GALNT14: variants seen among roughly 807,000 people sequenced by gnomAD.
The protein encoded by GALNT14 is UDP-GalNAc:polypeptide N-acetylgalactosaminyltransferase 14.
Under a neutral mutation model 77.5 loss-of-function variants are expected in GALNT14, and 60 were observed. The observed-to-expected ratio is 0.77, with a 90% CI of 0.63 to 0.96. The LOEUF is 0.96. GALNT14 is among the 40% of genes least tolerant of loss of function. The pLI, the probability that GALNT14 is intolerant of heterozygous loss-of-function variation, is 0.00. For synonymous variants in GALNT14, 280 were observed against 281.7 expected (o/e 0.99, Z 0.06); for missense variants, 710 against 731.0 (o/e 0.97, Z 0.33).
intron 1 of GALNT14, among the ~76,000 whole-genome samples, chr2:31,104,159 A>G (rs1677432656): frequency 1.3e-5 from 2 of 152,068 alleles, no homozygotes; most frequent in South Asian, 2.1e-4. Flanking sequence ...TGGATTCCCA[A>G]TGGAGTCTTT....
intron 1 of GALNT14, among the ~76,000 whole-genome samples, chr2:30,995,668 C>T (rs745990249): frequency 5.9e-5 from 9 of 151,952 alleles, no homozygotes; most frequent in Admixed American, 1.3e-4. Flanking sequence ...CATTTTTTTA[C>T]GTTTTATTTT....
At chr2:31,123,593 A>C (rs2148641689) in intron 1 of GALNT14, among the ~76,000 whole-genome samples, 1 of 152,214 alleles carries the variant, frequency 6.6e-6, no homozygotes, top group African/African-American at 2.4e-5. Context: ...ATGACTTTAA[A>C]AGACCTCCCT....
intron 6 of GALNT14, among the ~76,000 whole-genome samples, chr2:30,948,621 G>A (rs79636654): frequency 0.07 from 10,675 of 152,262 alleles, 944 homozygotes; most frequent in African/African-American, 0.21. Context: ...AGTGGTATCT[G>A]TACAACCTAC....
At chr2:31,089,981 G>A (rs1232484014) in intron 1 of GALNT14, among the ~76,000 whole-genome samples, 2 of 152,182 alleles carry the variant, frequency 1.3e-5, no homozygotes, top group African/African-American at 4.8e-5. Context: ...GTTACATGCA[G>A]AGGAAACAGA....
intron 1 of GALNT14, among the ~76,000 whole-genome samples, chr2:31,079,819 T>C (rs931214074): frequency 6.6e-6 from 1 of 152,084 alleles, no homozygotes; most frequent in Non-Finnish European, 1.5e-5. Context: ...CTGGGCAGAG[T>C]GTGGCTCACG....
chr2:31,020,279 C>G lies in GALNT14; in HGVS notation c.130-27272G>C, dbSNP rs138896694. On this transcript the variant is annotated intron_variant, in intron 1 of 14. Coordinates refer to ENST00000349752, the MANE Select transcript of GALNT14 (RefSeq NM_024572.4). ...TATGTTCATTAAAAGGAGATTGAAC[C>G]AAAAATGAAGCTCAATGGAAAGCTG... 3.1e-3 allele frequency among the ~76,000 whole-genome samples: 466 copies of G among 152,224 alleles called. 3 individuals carry two copies. Among genetic ancestry groups the G allele is most frequent in the Non-Finnish European group, 5.7e-3 (386 of 68,016 alleles).
At chr2:30,950,052 T>C (rs1666935229) in intron 6 of GALNT14, among the ~76,000 whole-genome samples, 1 of 152,370 alleles carries the variant, frequency 6.6e-6, no homozygotes, top group South Asian at 2.1e-4. Context: ...GTTTTTCATC[T>C]ATAAAAGAAA....
At chr2:30,979,396 C>T (rs1668845964) in intron 2 of GALNT14, among the ~76,000 whole-genome samples, 1 of 152,054 alleles carries the variant, frequency 6.6e-6, no homozygotes, top group Admixed American at 6.5e-5. Flanking sequence ...AGGGTGTTTG[C>T]TACCTTGAGA....
chr2:31,131,324 G>A (rs1221510449), intron 1 of GALNT14, among the ~76,000 whole-genome samples: 1 of 152,116 alleles, frequency 6.6e-6, no homozygotes, highest in Non-Finnish European at 1.5e-5. Context: ...CAGGCAAGTG[G>A]CAGGGGCCTG....
intron 1 of GALNT14, among the ~76,000 whole-genome samples, chr2:31,054,547 C>T (rs1386760231): frequency 6.6e-6 from 1 of 152,214 alleles, no homozygotes; most frequent in Non-Finnish European, 1.5e-5. Context: ...AGCGCCTACC[C>T]CATTCAACTT....
At chr2:30,902,343 C>T in the GALNT14 span, among the ~76,000 whole-genome samples, 1 of 152,184 alleles carries the variant, frequency 6.6e-6, no homozygotes, top group Non-Finnish European at 1.5e-5. Flanking sequence ...CCTATTTGCA[C>T]CATCAGAGTT....
chr2:31,075,042 G>T (rs1272454941), intron 1 of GALNT14, among the ~76,000 whole-genome samples: 1 of 152,208 alleles, frequency 6.6e-6, no homozygotes, highest in African/African-American at 2.4e-5. Flanking sequence ...GGTCCTGGGA[G>T]CGGATCCCTC....
intron 1 of GALNT14, chr2:31,125,234 T>G: frequency 1.3e-6 from 2 of 1,550,548 alleles, no homozygotes; most frequent in South Asian, 2.4e-5. Context: ...CCCAGCCACC[T>G]TGAAAAACAA....
intron 10 of GALNT14, among the ~76,000 whole-genome samples, chr2:30,931,631 T>A (rs550073564): frequency 6.6e-6 from 1 of 152,148 alleles, no homozygotes; most frequent in East Asian, 2.0e-4. Context: ...CTAAGCTGCA[T>A]CCCTTGGGCC....
At chr2:30,907,527 G>C (rs1664176297), downstream of GALNT14, among the ~76,000 whole-genome samples, 1 of 152,144 alleles carries the variant, frequency 6.6e-6, no homozygotes, top group African/African-American at 2.4e-5. Context: ...TTGAATCTCG[G>C]AATAGACCAA....
chr2:30,970,404 T>C (rs1668275441), intron 2 of GALNT14, among the ~76,000 whole-genome samples: 1 of 152,188 alleles, frequency 6.6e-6, no homozygotes, highest in African/African-American at 2.4e-5. Context: ...TAAATACACA[T>C]TTTTGTTGTG....
At chr2:31,091,995 C>T (rs1358108219) in intron 1 of GALNT14, among the ~76,000 whole-genome samples, 1 of 152,082 alleles carries the variant, frequency 6.6e-6, no homozygotes, top group Non-Finnish European at 1.5e-5. Flanking sequence ...ATGAGTCTTC[C>T]ACCCTTCATC....
intron 1 of GALNT14, among the ~76,000 whole-genome samples, chr2:31,033,812 TC>T (rs756400955): frequency 5.9e-5 from 9 of 152,138 alleles, no homozygotes; most frequent in Admixed American, 1.3e-4. Flanking sequence ...CAGAACGCCC[TC>T]CCATGTTTTC....
At position 31,017,174 on chromosome 2, in the gene GALNT14, G is replaced by A. The variant is rs904597107; in HGVS notation, c.130-24167C>T. ...CCCACATTTTCAGAAAGGTTCCTAAGACTCTAATCTTCCTCCATGTCCATG... is the reference window on the plus strand; with the variant it reads ...CCCACATTTTCAGAAAGGTTCCTAAAACTCTAATCTTCCTCCATGTCCATG... On this transcript the variant is annotated intron_variant, in intron 1 of 14. Coordinates refer to ENST00000349752, the MANE Select transcript of GALNT14 (RefSeq NM_024572.4). Among the ~76,000 whole-genome samples the A allele has an allele frequency of 1.6e-4, 25 of 152,218 alleles. 1 individual carries two copies. The highest frequency in any genetic ancestry group is 3.3e-4 in the Admixed American group (5 of 15,286).
Sources: gnomAD v4.1 joint callset for allele counts (sites outside exome capture counted in the v4.1 genomes callset) on GRCh38, gnomAD v4.1.1 for gene constraint, MANE v1.5 for transcripts, NCBI Gene and HGNC (gene_info 2026-07-23, HGNC 2026-07-21) for gene names.